Variants in IL1RAPL1 observed in about 807,000 individuals in gnomAD.
IL1RAPL1 encodes interleukin-1 receptor accessory protein-like 1.
Under a neutral mutation model 48.4 loss-of-function variants are expected in IL1RAPL1, and 3 were observed. The observed-to-expected ratio is 0.06, with a 90% CI of 0.03 to 0.16. IL1RAPL1 has a LOEUF of 0.16. Ranked by LOEUF, IL1RAPL1 falls within the 10% of genes least tolerant of loss-of-function variation. IL1RAPL1 has a pLI of 1.00. For synonymous variants in IL1RAPL1, 185 were observed against 187.7 expected (o/e 0.99, Z 0.12); for missense variants, 349 against 530.6 (o/e 0.66, Z 3.36).
intron 5 of IL1RAPL1, among the ~76,000 whole-genome samples, chrX:29,509,998 A>T (rs1478724503): frequency 1.8e-5 from 2 of 112,258 alleles, no homozygotes; most frequent in Non-Finnish European, 3.8e-5. Flanking sequence ...AGGAAAACAG[A>T]ATCTGATTTT....
chrX:29,085,234 T>C (rs923655113), intron 2 of IL1RAPL1, among the ~76,000 whole-genome samples: 1 of 111,551 alleles, frequency 9.0e-6, no homozygotes, highest in African/African-American at 3.3e-5. Context: ...GCCAGATATA[T>C]TTTGGTCAGT....
intron 2 of IL1RAPL1, among the ~76,000 whole-genome samples, chrX:28,820,830 G>T (rs145585787): frequency 1.8e-5 from 2 of 111,177 alleles, no homozygotes; most frequent in African/African-American, 6.5e-5. Flanking sequence ...TGCTACAGCT[G>T]CCCTTGGAAA....
intron 1 of IL1RAPL1, among the ~76,000 whole-genome samples, chrX:28,766,905 T>C (rs1299596815): frequency 9.0e-6 from 1 of 110,985 alleles, no homozygotes; most frequent in Admixed American, 9.5e-5. Context: ...TAGTTCATTG[T>C]GTATATATAC....
At chrX:29,572,437 A>G (rs186574204) in intron 5 of IL1RAPL1, among the ~76,000 whole-genome samples, 1 of 112,770 alleles carries the variant, frequency 8.9e-6, no homozygotes, top group African/African-American at 3.2e-5. Context: ...ACTGGCTATT[A>G]CAATTTCTTT....
At chrX:29,593,599 C>T (rs1380733189) in intron 5 of IL1RAPL1, among the ~76,000 whole-genome samples, 1 of 111,526 alleles carries the variant, frequency 9.0e-6, no homozygotes, top group African/African-American at 3.3e-5. Context: ...CCAGTTTTGC[C>T]TCCATTTACA....
At chrX:29,080,972 C>CT (rs1194214966) in intron 2 of IL1RAPL1, among the ~76,000 whole-genome samples, 2 of 43,397 alleles carry the variant, frequency 4.6e-5, no homozygotes, top group South Asian at 1.4e-3. Flanking sequence ...TTCTTTCTTT[C>CT]TTTCTTTCTT....
At chrX:28,923,286 C>G (rs1923659236) in intron 2 of IL1RAPL1, among the ~76,000 whole-genome samples, 1 of 110,402 alleles carries the variant, frequency 9.1e-6, no homozygotes, top group Non-Finnish European at 1.9e-5. Context: ...AAGCGATTCT[C>G]CAGCCTCAGC....
intron 2 of IL1RAPL1, among the ~76,000 whole-genome samples, chrX:29,145,779 A>C (rs1790986118): frequency 9.0e-6 from 1 of 111,630 alleles, no homozygotes; most frequent in Non-Finnish European, 1.9e-5. Context: ...CGGCACAAAA[A>C]CTTTAATGTA....
At chrX:29,616,564 G>T (rs756820796) in intron 5 of IL1RAPL1, among the ~76,000 whole-genome samples, 1 of 104,344 alleles carries the variant, frequency 9.6e-6, no homozygotes, top group Non-Finnish European at 1.9e-5. Flanking sequence ...CCACCTATGA[G>T]TGAGAACATG....
intron 2 of IL1RAPL1, among the ~76,000 whole-genome samples, chrX:28,933,661 TG>T (rs1203572646): frequency 9.0e-6 from 1 of 111,285 alleles, no homozygotes; most frequent in Non-Finnish European, 1.9e-5. Context: ...TACAGTAAAG[TG>T]AACACCAGTT....
intron 2 of IL1RAPL1, among the ~76,000 whole-genome samples, chrX:28,944,598 T>A (rs1255390725): frequency 1.8e-5 from 2 of 111,001 alleles, no homozygotes; most frequent in African/African-American, 6.5e-5. Context: ...GTTCACAATT[T>A]TTTAAAATAA....
At chrX:29,162,870 G>A (rs757829576) in intron 2 of IL1RAPL1, among the ~76,000 whole-genome samples, 16 of 109,562 alleles carry the variant, frequency 1.5e-4, no homozygotes, top group Non-Finnish European at 2.5e-4. Flanking sequence ...TCAGGATTTC[G>A]AGACCAGCCT....
intron 3 of IL1RAPL1, among the ~76,000 whole-genome samples, chrX:29,295,491 ATC>A (rs2147607659): frequency 8.9e-6 from 1 of 112,134 alleles, no homozygotes; most frequent in African/African-American, 3.2e-5. Flanking sequence ...GCATCTTTGC[ATC>A]TCTTATTACA....
rs140665850 is a variant in IL1RAPL1, at chrX:29,051,064, C to G, written c.83-231874C>G. ...GTAGTGGACTGTGTCTACACAGATA[C>G]TTATACATGTTTTTTGGAAGGTCAT... On this transcript the variant is annotated intron_variant, in intron 2 of 10. Coordinates refer to ENST00000378993, the MANE Select transcript of IL1RAPL1 (RefSeq NM_014271.4). 1.9e-4 allele frequency among the ~76,000 whole-genome samples: 21 copies of G among 112,063 alleles called. No homozygotes were observed. The East Asian group carries it at 5.0e-3, about 27-fold the overall frequency.
At chrX:29,637,701 G>A (rs1320384173) in intron 5 of IL1RAPL1, among the ~76,000 whole-genome samples, 1 of 111,354 alleles carries the variant, frequency 9.0e-6, no homozygotes, top group African/African-American at 3.3e-5. Context: ...TGCCTATGGA[G>A]TTTATCTCTC....
chrX:29,711,277 G>A (rs1030504296), intron 6 of IL1RAPL1, among the ~76,000 whole-genome samples: 3 of 103,258 alleles, frequency 2.9e-5, no homozygotes, highest in Non-Finnish European at 5.9e-5. Context: ...TCTGCCTCCC[G>A]GGTTCAAGTG....
chrX:28,717,191 T>C (rs894624278), intron 1 of IL1RAPL1, among the ~76,000 whole-genome samples: 11 of 112,126 alleles, frequency 9.8e-5, no homozygotes, highest in Non-Finnish European at 1.5e-4. Context: ...CAAAGACAGA[T>C]GCATGCATAT....
chrX:29,776,502 TTTAAG>T (rs1929202049), intron 6 of IL1RAPL1, among the ~76,000 whole-genome samples: 1 of 111,940 alleles, frequency 8.9e-6, no homozygotes, highest in Admixed American at 9.5e-5. Flanking sequence ...CTAACTAGAG[TTTAAG>T]TTCAGTGAGG....
At chrX:29,000,002 A>G (rs1218621845) in intron 2 of IL1RAPL1, among the ~76,000 whole-genome samples, 2 of 111,513 alleles carry the variant, frequency 1.8e-5, no homozygotes, top group African/African-American at 3.3e-5. Flanking sequence ...CTTGTAAGCC[A>G]CTGGTAATTT....
Sources: gnomAD v4.1 joint callset for allele counts (sites outside exome capture counted in the v4.1 genomes callset) on GRCh38, gnomAD v4.1.1 for gene constraint, MANE v1.5 for transcripts, NCBI Gene and HGNC (gene_info 2026-07-23, HGNC 2026-07-21) for gene names.